The following KCNH7 variants were observed in gnomAD, a reference collection of about 807,000 sequenced individuals.
KCNH7 encodes voltage-gated inwardly rectifying potassium channel KCNH7.
In KCNH7, 49 loss-of-function variants were observed where a neutral mutation model predicts 120.8. The observed-to-expected ratio is 0.41, with a 90% CI of 0.32 to 0.51. The LOEUF is 0.51. Among genes scored for constraint, KCNH7 ranks in the 20% least tolerant of loss-of-function variants. The pLI is 0.38. For missense variants in KCNH7, 1,097 were observed against 1,446.6 expected, an observed-to-expected ratio of 0.76 and a Z score of 3.92; for synonymous variants, 547 against 516.1, an observed-to-expected ratio of 1.06 and a Z score of -0.81.
chr2:162,755,300 C>A (rs1333297920), intron 2 of KCNH7, among the ~76,000 whole-genome samples: 2 of 151,974 alleles, frequency 1.3e-5, no homozygotes, highest in East Asian at 1.9e-4. Flanking sequence ...GAAACTCCAT[C>A]TCTACTAAAA....
chr2:162,583,974 C>A (rs559849602), intron 2 of KCNH7, among the ~76,000 whole-genome samples: 2 of 152,082 alleles, frequency 1.3e-5, no homozygotes, highest in Non-Finnish European at 2.9e-5. Context: ...ACCCAATAAT[C>A]AAGCACATTG....
intron 2 of KCNH7, among the ~76,000 whole-genome samples, chr2:162,628,327 G>T (rs963181401): frequency 2.6e-5 from 4 of 152,086 alleles, no homozygotes; most frequent in African/African-American, 9.7e-5. Context: ...ACAAGCAAAG[G>T]TCTTCAGGCC....
Position 162,767,666 on chromosome 2 carries a change from T to C in KCNH7, c.307+68871A>G, listed in dbSNP as rs866048632. Among the ~76,000 whole-genome samples the C allele has an allele frequency of 2.6e-5, 4 of 152,282 alleles. No individual in the cohort carries two copies. The Middle Eastern group carries it at 0.01, about 388-fold the overall frequency. Reference sequence around the variant, plus strand: ...CAGATACAGAAGGCTGTTTTTATTATATACTATAACTGCATAAATAAGTGG... The same window carrying C: ...CAGATACAGAAGGCTGTTTTTATTACATACTATAACTGCATAAATAAGTGG... On this transcript the variant is annotated intron_variant, in intron 2 of 15. Transcript: ENST00000332142.
At chr2:162,432,026 G>A (rs1410641376) in intron 8 of KCNH7, among the ~76,000 whole-genome samples, 3 of 151,890 alleles carry the variant, frequency 2.0e-5, no homozygotes, top group African/African-American at 7.3e-5. Flanking sequence ...AAACTTAAGT[G>A]CATTTTTAAA....
At chr2:162,806,777 T>C (rs1684551942) in intron 2 of KCNH7, among the ~76,000 whole-genome samples, 1 of 152,108 alleles carries the variant, frequency 6.6e-6, no homozygotes, top group East Asian at 1.9e-4. Context: ...AAATCTGAAG[T>C]TGTGGAATTA....
intron 2 of KCNH7, among the ~76,000 whole-genome samples, chr2:162,668,657 A>G (rs550715136): frequency 1.3e-5 from 2 of 152,284 alleles, no homozygotes; most frequent in East Asian, 1.9e-4. Flanking sequence ...TCCTAGATAA[A>G]GTTATATTGA....
chr2:162,755,338 G>C (rs564296196), intron 2 of KCNH7, among the ~76,000 whole-genome samples: 55 of 152,162 alleles, frequency 3.6e-4, no homozygotes, highest in African/African-American at 1.3e-3. Context: ...CAGGTTTGGT[G>C]GTGGGCACCT....
At chr2:162,561,807 A>C (rs1439113198) in intron 2 of KCNH7, among the ~76,000 whole-genome samples, 1 of 152,208 alleles carries the variant, frequency 6.6e-6, no homozygotes, top group Non-Finnish European at 1.5e-5. Flanking sequence ...ACTTGGAACC[A>C]ACCCAAATGC....
chr2:162,775,004 G>A (rs1683183073), intron 2 of KCNH7, among the ~76,000 whole-genome samples: 1 of 152,104 alleles, frequency 6.6e-6, no homozygotes, highest in Non-Finnish European at 1.5e-5. Flanking sequence ...AAACAGTGAT[G>A]AGCAGCATTG....
chr2:162,520,616 A>G (rs1691488401), intron 3 of KCNH7, among the ~76,000 whole-genome samples: 1 of 151,410 alleles, frequency 6.6e-6, no homozygotes, highest in Admixed American at 6.6e-5. Flanking sequence ...CAACAACAAC[A>G]AAAAAAACTA....
intron 2 of KCNH7, among the ~76,000 whole-genome samples, chr2:162,722,815 T>TTTTC (rs1210359273): frequency 1.4e-5 from 2 of 138,686 alleles, no homozygotes; most frequent in African/African-American, 5.3e-5. Flanking sequence ...CTTTTTTTCT[T>TTTTC]TTTTTTTTTT....
intron 2 of KCNH7, among the ~76,000 whole-genome samples, chr2:162,825,621 A>T (rs1685253638): frequency 6.6e-6 from 1 of 152,126 alleles, no homozygotes; most frequent in Non-Finnish European, 1.5e-5. Flanking sequence ...ATGGTTGAAC[A>T]GACTTTTGGT....
chr2:162,714,046 C>T (rs796115477), intron 2 of KCNH7, among the ~76,000 whole-genome samples: 9 of 152,314 alleles, frequency 5.9e-5, no homozygotes, highest in African/African-American at 1.9e-4. Flanking sequence ...CCGTGCCTAG[C>T]CAATGTAGTA....
chr2:162,494,439 C>G (rs908255444), intron 6 of KCNH7, among the ~76,000 whole-genome samples: 1 of 152,052 alleles, frequency 6.6e-6, no homozygotes, highest in African/African-American at 2.4e-5. Context: ...GATAGGTAAA[C>G]AGGATTATTT....
At chr2:162,667,563 A>T (rs991857512) in intron 2 of KCNH7, among the ~76,000 whole-genome samples, 5 of 152,100 alleles carry the variant, frequency 3.3e-5, no homozygotes. Flanking sequence ...CAAACACTCA[A>T]ACTAATATGT....
At chr2:162,510,107 AATAC>A in intron 5 of KCNH7, among the ~76,000 whole-genome samples, 1 of 151,610 alleles carries the variant, frequency 6.6e-6, no homozygotes, top group East Asian at 1.9e-4. Flanking sequence ...AAAAAATTAT[AATAC>A]ATACATATGT....
chr2:162,544,881 G>A (rs982244152), intron 2 of KCNH7, among the ~76,000 whole-genome samples: 2 of 151,960 alleles, frequency 1.3e-5, no homozygotes, highest in African/African-American at 2.4e-5. Context: ...ATTGGCTTAG[G>A]ACTTTTTAAA....
intron 6 of KCNH7, among the ~76,000 whole-genome samples, chr2:162,498,797 G>A (rs1437602906): frequency 2.6e-5 from 4 of 152,076 alleles, no homozygotes; most frequent in Non-Finnish European, 5.9e-5. Flanking sequence ...GAGAGTCTGA[G>A]GAACTTGCTG....
intron 2 of KCNH7, among the ~76,000 whole-genome samples, chr2:162,758,445 ATATT>A (rs1321691666): frequency 6.6e-6 from 1 of 152,172 alleles, no homozygotes; most frequent in African/African-American, 2.4e-5. Flanking sequence ...ATACACACAT[ATATT>A]GTTTATATGT....
Sources: gnomAD v4.1 joint callset for allele counts (sites outside exome capture counted in the v4.1 genomes callset) on GRCh38, gnomAD v4.1.1 for gene constraint, MANE v1.5 for transcripts, NCBI Gene and HGNC (gene_info 2026-07-23, HGNC 2026-07-21) for gene names.